EVL: variants seen among roughly 807,000 people sequenced by gnomAD.
EVL encodes Enah/Vasp-like.
In EVL, 21 loss-of-function variants were observed where a neutral mutation model predicts 59.6. The observed-to-expected ratio is 0.35, with a 90% CI of 0.25 to 0.51. EVL has a LOEUF of 0.51. Ranked by LOEUF, EVL falls within the 20% of genes least tolerant of loss-of-function variation. The probability of loss-of-function intolerance (pLI) is 0.97; values close to 1 mark genes in which losing one functional copy is unlikely to be tolerated. For missense variants in EVL, 462 were observed against 546.6 expected (o/e 0.85, Z 1.54); for synonymous variants, 198 against 203.5 (o/e 0.97, Z 0.23).
chr14:100,005,199 CTTAGT>C (rs1463507413), intron 1 of EVL, among the ~76,000 whole-genome samples: 1 of 152,166 alleles, frequency 6.6e-6, no homozygotes, highest in Non-Finnish European at 1.5e-5. Context: ...TTGGGAGGAA[CTTAGT>C]TTATAGTTTT....
intron 1 of EVL, among the ~76,000 whole-genome samples, chr14:100,037,903 G>A (rs2061411079): frequency 6.6e-6 from 1 of 152,158 alleles, no homozygotes; most frequent in Non-Finnish European, 1.5e-5. Flanking sequence ...ACTATTGAGG[G>A]CCGAGAACTG....
At chr14:100,071,464 A>G (rs759716198) in intron 1 of EVL, among the ~76,000 whole-genome samples, 9 of 152,240 alleles carry the variant, frequency 5.9e-5, no homozygotes, top group Non-Finnish European at 8.8e-5. Flanking sequence ...TTCCAGAGCT[A>G]TGTGATGTTT....
intron 1 of EVL, among the ~76,000 whole-genome samples, chr14:99,996,375 TC>T (rs2060914449): frequency 6.6e-6 from 1 of 152,172 alleles, no homozygotes; most frequent in South Asian, 2.1e-4. Flanking sequence ...TCCATCATCT[TC>T]CTGTGCTCTC....
chr14:100,055,936 C>T (rs1483739553), intron 1 of EVL, among the ~76,000 whole-genome samples: 9 of 152,082 alleles, frequency 5.9e-5, no homozygotes, highest in Admixed American at 3.3e-4. Context: ...CTCAGCATCC[C>T]GAGTAGCTGG....
intron 1 of EVL, among the ~76,000 whole-genome samples, chr14:99,975,733 C>A (rs978278894): frequency 2.6e-5 from 4 of 152,208 alleles, no homozygotes; most frequent in African/African-American, 9.6e-5. Flanking sequence ...CAGTAATGCT[C>A]ACTCATCTGC....
intron 1 of EVL, among the ~76,000 whole-genome samples, chr14:100,014,071 A>G (rs1736230744): frequency 6.6e-6 from 1 of 152,206 alleles, no homozygotes; most frequent in Non-Finnish European, 1.5e-5. Context: ...TTAAATGTAC[A>G]ATAAATTAGT....
At chr14:100,141,313 A>G in intron 12 of EVL, 67 bp downstream of exon 12, 2 of 1,561,284 alleles carry the variant, frequency 1.3e-6, no homozygotes, top group Non-Finnish European at 1.8e-6. Flanking sequence ...ACCGTCTCTG[A>G]CCAGCATGGC....
chr14:99,998,825 G>A (rs1351713930), intron 1 of EVL, among the ~76,000 whole-genome samples: 1 of 152,106 alleles, frequency 6.6e-6, no homozygotes, highest in African/African-American at 2.4e-5. Flanking sequence ...GATACATAAT[G>A]TTGCCCCATT....
At chr14:100,124,987 C>T (rs111490045) in intron 4 of EVL, among the ~76,000 whole-genome samples, 1,780 of 151,992 alleles carry the variant, frequency 0.012, 38 homozygotes, top group African/African-American at 0.042. Flanking sequence ...TGCTGCAAGA[C>T]GAGACCACAC....
chr14:100,075,594 A>G (rs965794977), intron 1 of EVL, among the ~76,000 whole-genome samples: 4 of 152,166 alleles, frequency 2.6e-5, no homozygotes, highest in South Asian at 2.1e-4. Flanking sequence ...ACCAGGCTAC[A>G]CTGAGGACGA....
rs1207882479 is a variant in EVL, at chr14:100,142,427, A to G, written c.1219+634A>G. Reference sequence around the variant, plus strand: ...GCCTCAGATCTGCAGCCAGAGGAAAAGGGGGAGTGGGCAGGGCAGACTCAG... The same window carrying G: ...GCCTCAGATCTGCAGCCAGAGGAAAGGGGGGAGTGGGCAGGGCAGACTCAG... On this transcript the variant is annotated intron_variant, in intron 13 of 13. Transcript: ENST00000392920. Among the ~76,000 whole-genome samples, 4 of 152,234 alleles carry G rather than the reference A, an allele frequency of 2.6e-5. No homozygotes were observed. In the East Asian group the frequency reaches 7.7e-4, roughly 29 times the overall value.
intron 1 of EVL, among the ~76,000 whole-genome samples, chr14:99,978,392 ACT>A (rs775772975): frequency 6.0e-5 from 9 of 149,926 alleles, no homozygotes; most frequent in Non-Finnish European, 1.2e-4. Flanking sequence ...ACAGAGCGAG[ACT>A]CTGTCTCAAA....
intron 1 of EVL, among the ~76,000 whole-genome samples, chr14:100,040,615 G>C (rs1595604940): frequency 6.6e-6 from 1 of 152,100 alleles, no homozygotes; most frequent in South Asian, 2.1e-4. Flanking sequence ...TGCACCAAAG[G>C]GTTTATATAT....
Position 100,111,969 on chromosome 14 carries a change from C to T in EVL, c.359-11570C>T, listed in dbSNP as rs576502661. ...TTTCTAAACTATAACCCGGCTTGGT[C>T]AGAGGTTGATTATTATAAACACTTA... On this transcript the variant is annotated intron_variant, in intron 3 of 13. Coordinates refer to ENST00000392920, the MANE Select transcript of EVL (RefSeq NM_016337.3). Among the ~76,000 whole-genome samples, 4 of 152,306 alleles carry T rather than the reference C, an allele frequency of 2.6e-5. No individual in the cohort carries two copies. The South Asian group carries it at 8.3e-4, about 32-fold the overall frequency.
At chr14:100,073,320 C>CTTT (rs368484673) in intron 1 of EVL, among the ~76,000 whole-genome samples, 4 of 137,362 alleles carry the variant, frequency 2.9e-5, no homozygotes, top group Admixed American at 1.5e-4. Flanking sequence ...TTTCCTTTTT[C>CTTT]TTTTTTTTTT....
chr14:100,048,755 CA>C (rs1004929983), intron 1 of EVL, among the ~76,000 whole-genome samples: 7 of 151,814 alleles, frequency 4.6e-5, no homozygotes, highest in East Asian at 3.9e-4. Context: ...AAAAAACAAA[CA>C]AAAAAAACAC....
intron 1 of EVL, among the ~76,000 whole-genome samples, chr14:99,973,219 G>A (rs955701638): frequency 2.0e-5 from 3 of 152,330 alleles, no homozygotes; most frequent in African/African-American, 7.2e-5. Flanking sequence ...AGTTGCCAAA[G>A]TGGTTCTACG....
At chr14:100,118,234 G>A (rs933634882) in intron 3 of EVL, among the ~76,000 whole-genome samples, 1 of 152,194 alleles carries the variant, frequency 6.6e-6, no homozygotes, top group Non-Finnish European at 1.5e-5. Context: ...GAGGGGAGGA[G>A]TGTCACCTGC....
Position 100,127,258 on chromosome 14 carries a change from C to T in EVL, c.487+487C>T, listed in dbSNP as rs1888134207. Among the ~76,000 whole-genome samples the T allele has an allele frequency of 6.6e-6, 1 of 152,200 alleles. No homozygotes were observed. The highest frequency in any genetic ancestry group is 2.4e-5 in the African/African-American group (1 of 41,448). On this transcript the variant is annotated intron_variant, in intron 5 of 13. Coordinates refer to ENST00000392920, the MANE Select transcript of EVL (RefSeq NM_016337.3). The surrounding 1 kb of genome is among the most constrained non-coding windows in gnomAD (Gnocchi z 4.2). ...CTTGGACGTTCGGTGGAGCTTAGCA[C>T]GTTAAAGGAGAAGGACGAGGGTTTT... is the stretch of plus-strand genomic sequence containing the variant.
Sources: gnomAD v4.1 joint callset for allele counts (sites outside exome capture counted in the v4.1 genomes callset) on GRCh38, gnomAD v4.1.1 for gene constraint, Gnocchi (gnomAD v3.1) non-coding constraint, MANE v1.5 for transcripts, NCBI Gene and HGNC (gene_info 2026-07-23, HGNC 2026-07-21) for gene names.